KCNQ1: variants seen among roughly 807,000 people sequenced by gnomAD.
KCNQ1 encodes potassium voltage-gated channel subfamily Q member 1.
A neutral mutation model predicts 72.4 loss-of-function variants in KCNQ1; 49 were observed. That is an observed-to-expected ratio of 0.68 (90% CI 0.54 to 0.86). The LOEUF is 0.86. Ranked by LOEUF, KCNQ1 falls within the 40% of genes least tolerant of loss-of-function variation. KCNQ1 has a pLI of 0.00. For synonymous variants in KCNQ1, 450 were observed against 412.6 expected (o/e 1.09, Z -1.10); for missense variants, 790 against 945.1 (o/e 0.84, Z 2.15).
Position 2,651,249 on chromosome 11 carries a change from A to T in KCNQ1, c.1394-10712A>T, listed in dbSNP as rs1164620241. ...ACAGCACACACAGCTTAATTCAGGA[A>T]TTAAGCTGTGCTGGTCACTTATTGA... On this transcript the variant is annotated intron_variant, in intron 10 of 15. Coordinates refer to ENST00000155840, the MANE Select transcript of KCNQ1 (RefSeq NM_000218.3). The surrounding 1 kb of genome is among the most constrained non-coding windows in gnomAD (Gnocchi z 6.1). The T allele has an allele frequency of 5.0e-6, 2 of 398,554 alleles. No individual in the cohort carries two copies. The highest frequency in any genetic ancestry group is 8.8e-6 in the Non-Finnish European group (2 of 226,090). The allele number at this position is 398,554 out of a possible 1,614,324, so 24.7% of individuals were successfully genotyped here. A position where few individuals can be genotyped will look rare whatever the true frequency, so the allele number is the denominator to read the frequency against.
chr11:2,472,177 G>T (rs1163530824), intron 1 of KCNQ1, among the ~76,000 whole-genome samples: 1 of 151,534 alleles, frequency 6.6e-6, no homozygotes, highest in Non-Finnish European at 1.5e-5. Flanking sequence ...GCACCTTTGT[G>T]TGTATATGTG....
chr11:2,674,435 G>A lies in KCNQ1; in HGVS notation c.1514+12354G>A, dbSNP rs1254511642. On this transcript the variant is annotated intron_variant, in intron 11 of 15. Coordinates refer to ENST00000155840, the MANE Select transcript of KCNQ1 (RefSeq NM_000218.3). The surrounding 1 kb of genome is among the most constrained non-coding windows in gnomAD (Gnocchi z 5.9). ...CGCCCGCGCGCACACGACCACAGAG[G>A]CTGGGGGGAGGCACGTGGGGAGGAG... 7.5e-6 allele frequency: 3 copies of A among 398,554 alleles called. No homozygotes were observed. Among genetic ancestry groups the A allele is most frequent in the African/African-American group, 4.1e-5 (2 of 48,630 alleles). The allele number at this position is 398,554 out of a possible 1,614,324, so 24.7% of individuals were successfully genotyped here.
chr11:2,552,192 G>GT (rs984653093), intron 2 of KCNQ1, among the ~76,000 whole-genome samples: 19 of 151,760 alleles, frequency 1.3e-4, no homozygotes, highest in Admixed American at 4.6e-4. Flanking sequence ...AGATTACAAA[G>GT]TTTTTTCTCC....
In KCNQ1 at chr11:2,673,006, C is replaced by A; in HGVS notation, c.1514+10925C>A. The A allele has an allele frequency of 2.5e-6, 1 of 398,680 alleles. No homozygotes were observed. Among genetic ancestry groups the A allele is most frequent in the South Asian group, 1.3e-4 (1 of 7,830 alleles). The allele number at this position is 398,680 out of a possible 1,614,324, so 24.7% of individuals were successfully genotyped here. On this transcript the variant is annotated intron_variant, in intron 11 of 15. Coordinates refer to ENST00000155840, the MANE Select transcript of KCNQ1 (RefSeq NM_000218.3). The surrounding 1 kb of genome is among the most constrained non-coding windows in gnomAD (Gnocchi z 4.5). ...TTGCCTAAAGGAGAAGCCAGTGAATCAATGTGTTACTTGAACAAATATAGG... is the reference window on the plus strand; with the variant it reads ...TTGCCTAAAGGAGAAGCCAGTGAATAAATGTGTTACTTGAACAAATATAGG...
intron 11 of KCNQ1, among the ~76,000 whole-genome samples, chr11:2,726,308 G>A (rs1845761833): frequency 6.6e-6 from 1 of 152,230 alleles, no homozygotes; most frequent in South Asian, 2.1e-4. Context: ...CCCCTGACCT[G>A]AGGATCCTAG....
At chr11:2,708,185 C>T (rs182323853) in intron 11 of KCNQ1, among the ~76,000 whole-genome samples, 7 of 152,336 alleles carry the variant, frequency 4.6e-5, no homozygotes, top group Non-Finnish European at 8.8e-5. Context: ...GTGACTCTTT[C>T]CTCAGTAGGG....
Position 2,570,770 on chromosome 11 carries a change from C to G in KCNQ1, c.604+16C>G, listed in dbSNP as rs746807746. On this transcript the variant is annotated intron_variant, in intron 3 of 15. Transcript: ENST00000155840. ...TCCATCATCGGTGAGTCATGCCTGCCCTGTGGAGGTCACGCCCAGGTTTCC... is the reference window on the plus strand; with the variant it reads ...TCCATCATCGGTGAGTCATGCCTGCGCTGTGGAGGTCACGCCCAGGTTTCC... 3 of 1,609,042 alleles carry G rather than the reference C, an allele frequency of 1.9e-6. No individual in the cohort carries two copies. In the South Asian group the frequency reaches 3.3e-5, roughly 18 times the overall value.
intron 11 of KCNQ1, among the ~76,000 whole-genome samples, chr11:2,741,847 A>G (rs1365585568): frequency 1.3e-5 from 2 of 152,176 alleles, no homozygotes; most frequent in Non-Finnish European, 2.9e-5. Flanking sequence ...AGGAGGGTCC[A>G]GTTCCTTCTC....
At position 2,725,056 on chromosome 11, in the gene KCNQ1, T is replaced by G. The variant is rs1293914100; in HGVS notation, c.1515-43788T>G. On this transcript the variant is annotated intron_variant, in intron 11 of 15. Transcript: ENST00000155840. The surrounding 1 kb of genome is among the most constrained non-coding windows in gnomAD (Gnocchi z 7.2). The stretch of plus-strand genomic sequence containing the variant: ...GGGCCCAATAGAGAAGCACAGGGTC[T>G]GAGAAGCATCAGACAATGACTCCTA... 2.0e-5 allele frequency among the ~76,000 whole-genome samples: 3 copies of G among 152,176 alleles called. No homozygotes were observed. The highest frequency in any genetic ancestry group is 7.2e-5 in the African/African-American group (3 of 41,432).
At chr11:2,605,351 A>T (rs1242231251) in intron 10 of KCNQ1, among the ~76,000 whole-genome samples, 1 of 152,182 alleles carries the variant, frequency 6.6e-6, no homozygotes, top group Non-Finnish European at 1.5e-5. Flanking sequence ...TGTTATATCT[A>T]AGAAACCTCT....
At position 2,750,683 on chromosome 11, in the gene KCNQ1, A is replaced by G. The variant is rs945181722; in HGVS notation, c.1515-18161A>G. ...GGGTTTTCTCTCCCTTGTTTTAATC[A>G]ACCAGTTCCCAATAAGTCATTTCAG... On this transcript the variant is annotated intron_variant, in intron 11 of 15. Coordinates refer to ENST00000155840, the MANE Select transcript of KCNQ1 (RefSeq NM_000218.3). This position sits in a 1 kb window ranked among gnomAD's most constrained non-coding sequence, Gnocchi z 6.3. Among the ~76,000 whole-genome samples, 1 of 152,172 alleles carries G rather than the reference A, an allele frequency of 6.6e-6. No homozygotes were observed. The highest frequency in any genetic ancestry group is 1.5e-5 in the Non-Finnish European group (1 of 68,028).
At chr11:2,804,225 G>A (rs536861689) in intron 15 of KCNQ1, among the ~76,000 whole-genome samples, 66 of 152,276 alleles carry the variant, frequency 4.3e-4, no homozygotes, top group African/African-American at 1.5e-3. Context: ...CCCATGCCAC[G>A]TGCCTGCTCT....
rs998624346 is a variant in KCNQ1 at position 2,488,032 on chromosome 11, A to G, written c.387-39896A>G. ...CATATGGTTTTTATTATGTTAAGGT[A>G]GTTTCCTTCTATTCCTAGTTTGTTG... is the stretch of plus-strand genomic sequence containing the variant. On this transcript the variant is annotated intron_variant, in intron 1 of 15. Transcript: ENST00000155840. This position sits in a 1 kb window ranked among gnomAD's most constrained non-coding sequence, Gnocchi z 5.1. Among the ~76,000 whole-genome samples, 2 of 152,116 alleles carry G rather than the reference A, an allele frequency of 1.3e-5. No homozygotes were observed. Among genetic ancestry groups the G allele is most frequent in the Non-Finnish European group, 1.5e-5 (1 of 67,984 alleles).
chr11:2,790,047 A>G (rs1846989447), intron 15 of KCNQ1, among the ~76,000 whole-genome samples: 1 of 152,124 alleles, frequency 6.6e-6, no homozygotes, highest in South Asian at 2.1e-4. Flanking sequence ...TGGGACTTGG[A>G]GGGGATCATA....
intron 11 of KCNQ1, chr11:2,662,323 C>A: frequency 1.7e-6 from 1 of 580,354 alleles, no homozygotes; most frequent in South Asian, 2.2e-5. Context: ...CCAGACTGAT[C>A]ATTTTCCACT....
chr11:2,799,322 TTGGAA>T (rs1284716794), intron 15 of KCNQ1, among the ~76,000 whole-genome samples: 1 of 152,030 alleles, frequency 6.6e-6, no homozygotes, highest in Non-Finnish European at 1.5e-5. Context: ...CCAGCGCTCT[TTGGAA>T]TGGACTGAAG....
intron 11 of KCNQ1, among the ~76,000 whole-genome samples, chr11:2,706,113 C>T (rs577978424): frequency 6.6e-6 from 1 of 152,208 alleles, no homozygotes; most frequent in Non-Finnish European, 1.5e-5. Context: ...TAGTATGTGT[C>T]TACAAGGCCT....
chr11:2,675,309 A>G (rs565971816), intron 11 of KCNQ1: 2 of 398,650 alleles, frequency 5.0e-6, no homozygotes, highest in East Asian at 7.1e-5. Context: ...AATATAAAAC[A>G]TGAAAGTGGG....
In KCNQ1 at chr11:2,626,522, A is replaced by G. The variant is rs1200817505; in HGVS notation, c.1394-35439A>G. ...ATAGTTTTGATTACTGTAGCTTCGT[A>G]ATAAGTTGGGGTTTTTGTTTGTTTT... On this transcript the variant is annotated intron_variant, in intron 10 of 15. Transcript: ENST00000155840. The surrounding 1 kb of genome is among the most constrained non-coding windows in gnomAD (Gnocchi z 4.0). 1 of 398,334 alleles carries G rather than the reference A, an allele frequency of 2.5e-6. No individual in the cohort carries two copies. Among genetic ancestry groups the G allele is most frequent in the East Asian group, 3.6e-5 (1 of 28,076 alleles). 24.7% of individuals were successfully genotyped at this position (398,334 alleles called of 1,614,324 possible).
Sources: gnomAD v4.1 joint callset for allele counts (sites outside exome capture counted in the v4.1 genomes callset) on GRCh38, gnomAD v4.1.1 for gene constraint, Gnocchi (gnomAD v3.1) non-coding constraint, MANE v1.5 for transcripts, NCBI Gene and HGNC (gene_info 2026-07-23, HGNC 2026-07-21) for gene names.